Variants in IL1RAPL2 observed in about 807,000 individuals in gnomAD.
IL1RAPL2 encodes the protein interleukin 1 receptor accessory protein like 2.
Under a neutral mutation model 44.1 loss-of-function variants are expected in IL1RAPL2, and 3 were observed. The observed-to-expected ratio is 0.07, with a 90% CI of 0.03 to 0.18. The LOEUF (loss-of-function observed/expected upper bound fraction) is 0.18, where lower values mean the gene tolerates loss of function less well. IL1RAPL2 is among the 10% of genes least tolerant of loss of function. IL1RAPL2 has a pLI of 1.00. For missense variants in IL1RAPL2, 391 were observed against 496.4 expected (o/e 0.79, Z 2.02); for synonymous variants, 181 against 178.8 (o/e 1.01, Z -0.10).
chrX:104,673,232 T>A lies in IL1RAPL2; in HGVS notation c.82+14237T>A, dbSNP rs1466946444. On this transcript the variant is annotated intron_variant, in intron 2 of 10. Coordinates refer to ENST00000372582, the MANE Select transcript of IL1RAPL2 (RefSeq NM_017416.2). ...CTTCTAGGGTTTTTATGGTTTTAGG[T>A]CTAACGTTTAAGTCTTTAATCCATG... 2.7e-5 allele frequency among the ~76,000 whole-genome samples: 3 copies of A among 111,751 alleles called. No individual in the cohort carries two copies. In the Admixed American group the frequency reaches 2.9e-4, roughly 11 times the overall value.
At chrX:105,028,517 A>T (rs1234846301) in intron 2 of IL1RAPL2, among the ~76,000 whole-genome samples, 1 of 111,194 alleles carries the variant, frequency 9.0e-6, no homozygotes, top group Non-Finnish European at 1.9e-5. Flanking sequence ...TGGATTTTGG[A>T]GCATTTCAGA....
chrX:105,086,696 GTA>G (rs761051979), intron 2 of IL1RAPL2, among the ~76,000 whole-genome samples: 23 of 66,255 alleles, frequency 3.5e-4, no homozygotes, highest in South Asian at 3.3e-3. Context: ...ATTCTACATT[GTA>G]TATATATGTG....
chrX:104,642,082 G>A lies in IL1RAPL2; in HGVS notation c.-19-16813G>A, dbSNP rs191465373. Among the ~76,000 whole-genome samples, 424 of 111,082 alleles carry A rather than the reference G, an allele frequency of 3.8e-3. 3 individuals carry two copies. The highest frequency in any genetic ancestry group is 3.4e-3 in the Non-Finnish European group (179 of 53,004). ...ACAGTGTGGATATGGGTCACTGGAAGTCTCTCATTTACCCTTTCCCTCAAT... is the reference window on the plus strand; with the variant it reads ...ACAGTGTGGATATGGGTCACTGGAAATCTCTCATTTACCCTTTCCCTCAAT... On this transcript the variant is annotated intron_variant, in intron 1 of 10. Transcript: ENST00000372582.
At chrX:104,897,125 A>G (rs1234360432) in intron 2 of IL1RAPL2, among the ~76,000 whole-genome samples, 1 of 112,075 alleles carries the variant, frequency 8.9e-6, no homozygotes, top group Non-Finnish European at 1.9e-5. Context: ...CGAATTCTGG[A>G]CACAGTAATA....
chrX:105,100,838 G>C (rs1448334428), intron 2 of IL1RAPL2, among the ~76,000 whole-genome samples: 1 of 112,374 alleles, frequency 8.9e-6, no homozygotes, highest in Non-Finnish European at 1.9e-5. Flanking sequence ...GAAGGCAGGG[G>C]ACCTGGAACA....
At chrX:104,983,589 A>ATAT (rs1347293948) in intron 2 of IL1RAPL2, among the ~76,000 whole-genome samples, 18 of 90,350 alleles carry the variant, frequency 2.0e-4, no homozygotes, top group Non-Finnish European at 3.8e-4. Flanking sequence ...ATAATATATA[A>ATAT]TATATTATAT....
In IL1RAPL2 at chrX:104,810,213, A is replaced by G. The variant is rs1932964062; in HGVS notation, c.82+151218A>G. Among the ~76,000 whole-genome samples the G allele has an allele frequency of 2.7e-5, 3 of 109,876 alleles. No homozygotes were observed. The South Asian group carries it at 1.2e-3, about 44-fold the overall frequency. ...CTCACTCATAGGTGGGAATTGAACA[A>G]TGAGAGCACATGGACACAGGAAGGG... is the stretch of plus-strand genomic sequence containing the variant. On this transcript the variant is annotated intron_variant, in intron 2 of 10. Transcript: ENST00000372582.
At chrX:104,585,313 A>ATATATATTATATATAATATATAT in intron 1 of IL1RAPL2, among the ~76,000 whole-genome samples, 1 of 18,582 alleles carries the variant, frequency 5.4e-5, no homozygotes, top group South Asian at 1.8e-3. Flanking sequence ...ATATTATATA[A>ATATATATTATATATAATATATAT]TATATATTAT....
chrX:105,408,001 T>C (rs1415974143), intron 5 of IL1RAPL2, among the ~76,000 whole-genome samples: 1 of 111,890 alleles, frequency 8.9e-6, no homozygotes, highest in African/African-American at 3.2e-5. Context: ...AGCTTAGAAA[T>C]AGATACTAAA....
chrX:104,595,781 T>A (rs1035713088), intron 1 of IL1RAPL2, among the ~76,000 whole-genome samples: 14 of 112,049 alleles, frequency 1.2e-4, no homozygotes, highest in African/African-American at 4.5e-4. Context: ...TAGGTAACAT[T>A]TTTAGGCCAG....
intron 2 of IL1RAPL2, among the ~76,000 whole-genome samples, chrX:104,906,226 G>T (rs866257562): frequency 2.7e-5 from 3 of 111,427 alleles, no homozygotes; most frequent in African/African-American, 9.8e-5. Context: ...GGGTTTTGTA[G>T]ATATACAATC....
chrX:105,758,264 A>T (rs1030489943), intron 10 of IL1RAPL2, among the ~76,000 whole-genome samples: 1 of 111,915 alleles, frequency 8.9e-6, no homozygotes, highest in Non-Finnish European at 1.9e-5. Flanking sequence ...CAAATTAATG[A>T]CATCTATGAC....
At chrX:105,239,448 A>G (rs1556205616) in intron 4 of IL1RAPL2, among the ~76,000 whole-genome samples, 1 of 111,525 alleles carries the variant, frequency 9.0e-6, no homozygotes, top group Non-Finnish European at 1.9e-5. Context: ...CCCATGATGT[A>G]GATTAAAAGG....
At chrX:105,506,757 G>A (rs918708664) in intron 6 of IL1RAPL2, among the ~76,000 whole-genome samples, 5 of 111,902 alleles carry the variant, frequency 4.5e-5, no homozygotes, top group Non-Finnish European at 9.4e-5. Context: ...CAAATGAGAC[G>A]TCAGAATATT....
chrX:105,707,372 G>T (rs1261461401), intron 6 of IL1RAPL2, among the ~76,000 whole-genome samples: 1 of 112,139 alleles, frequency 8.9e-6, no homozygotes, highest in African/African-American at 3.2e-5. Context: ...AGAGAAAACC[G>T]ATTTAAAAAT....
chrX:104,981,815 T>C (rs1252859489), intron 2 of IL1RAPL2, among the ~76,000 whole-genome samples: 1 of 111,671 alleles, frequency 9.0e-6, no homozygotes, highest in Non-Finnish European at 1.9e-5. Flanking sequence ...GAAAGCCTTT[T>C]CTGCATCTAT....
chrX:104,759,400 A>T (rs1470592310), intron 2 of IL1RAPL2, among the ~76,000 whole-genome samples: 5 of 111,935 alleles, frequency 4.5e-5, no homozygotes, highest in African/African-American at 9.7e-5. Context: ...GGGTTAAGTG[A>T]TTTATTGCTT....
chrX:104,678,835 C>G (rs181036659), intron 2 of IL1RAPL2, among the ~76,000 whole-genome samples: 1 of 110,257 alleles, frequency 9.1e-6, no homozygotes, highest in Non-Finnish European at 1.9e-5. Context: ...GGATGAGGGG[C>G]GAGAGGAGGG....
chrX:104,637,887 A>C (rs2148014990), intron 1 of IL1RAPL2, among the ~76,000 whole-genome samples: 1 of 109,531 alleles, frequency 9.1e-6, no homozygotes, highest in South Asian at 4.0e-4. Context: ...TTGTGGAATG[A>C]GTTAGGGAGT....
Sources: allele counts gnomAD v4.1 joint callset (sites outside exome capture counted in the v4.1 genomes callset), GRCh38; gene constraint gnomAD v4.1.1; transcripts MANE v1.5; gene names NCBI Gene and HGNC (gene_info 2026-07-23, HGNC 2026-07-21).